Variants in SCRG1 observed in about 807,000 individuals in gnomAD.
The protein encoded by SCRG1 is scrapie-responsive protein 1.
Under a neutral mutation model 7.7 loss-of-function variants are expected in SCRG1, and 3 were observed. The observed-to-expected ratio is 0.39, with a 90% CI of 0.18 to 1.01. The LOEUF (loss-of-function observed/expected upper bound fraction) is 1.01. SCRG1 is among the 50% of genes least tolerant of loss of function. SCRG1 has a pLI of 0.36. For missense variants in SCRG1, 110 were observed against 117.2 expected (o/e 0.94, Z 0.28); for synonymous variants, 46 against 41.2 (o/e 1.12, Z -0.44).
At chr4:173,511,546 G>A in the SCRG1 span, among the ~76,000 whole-genome samples, 1 of 151,988 alleles carries the variant, frequency 6.6e-6, no homozygotes, top group Non-Finnish European at 1.5e-5. The surrounding 1 kb of genome is among the most constrained non-coding windows in gnomAD (Gnocchi z 5.2). Context: ...CTAAGGAGGG[G>A]AGAGGAACCC....
chr4:173,478,407 C>A, the SCRG1 span, among the ~76,000 whole-genome samples: 1 of 152,154 alleles, frequency 6.6e-6, no homozygotes, highest in Non-Finnish European at 1.5e-5. Context: ...AAAAACCAGT[C>A]CTGGTCTTCA....
the SCRG1 span, among the ~76,000 whole-genome samples, chr4:173,506,794 C>T: frequency 4.6e-5 from 7 of 152,292 alleles, no homozygotes; most frequent in South Asian, 1.4e-3. The surrounding 1 kb of genome is among the most constrained non-coding windows in gnomAD (Gnocchi z 5.3). Context: ...GCAGCTCATT[C>T]CGGGACGGCG....
chr4:173,403,456 A>C (rs1366522347), upstream of SCRG1, among the ~76,000 whole-genome samples: 1 of 152,208 alleles, frequency 6.6e-6, no homozygotes, highest in Non-Finnish European at 1.5e-5. Context: ...ATAGAGAGTA[A>C]GGCACCCACC....
the SCRG1 span, among the ~76,000 whole-genome samples, chr4:173,471,951 T>C: frequency 0.33 from 50,037 of 152,094 alleles, 8,644 homozygotes; most frequent in South Asian, 0.47. Context: ...TCAGGTGATC[T>C]GCCCACCTTG....
chr4:173,406,409 A>G (rs1739907599), upstream of SCRG1: 1 of 152,170 alleles, frequency 6.6e-6, no homozygotes, highest in African/African-American at 2.4e-5. Context: ...TTCATACATG[A>G]GTAATAAAGT....
chr4:173,414,848 AG>A, the SCRG1 span, among the ~76,000 whole-genome samples: 1 of 152,160 alleles, frequency 6.6e-6, no homozygotes, highest in Non-Finnish European at 1.5e-5. Context: ...TCTCCTCCCT[AG>A]GGTGTGAATA....
At chr4:173,512,665 G>A in the SCRG1 span, among the ~76,000 whole-genome samples, 11 of 152,188 alleles carry the variant, frequency 7.2e-5, no homozygotes, top group African/African-American at 2.7e-4. Flanking sequence ...GAATCCCAGA[G>A]AGTGTCCCCC....
chr4:173,478,118 C>A, the SCRG1 span, among the ~76,000 whole-genome samples: 1 of 152,070 alleles, frequency 6.6e-6, no homozygotes, highest in Non-Finnish European at 1.5e-5. Flanking sequence ...ATTTTAGTAT[C>A]TGAAAATTAA....
chr4:173,484,463 CATATAAT>C, the SCRG1 span, among the ~76,000 whole-genome samples: 2 of 12,602 alleles, frequency 1.6e-4, no homozygotes, highest in South Asian at 2.0e-3. Flanking sequence ...ATATTATATA[CATATAAT>C]ATATAATATA....
At chr4:173,483,996 T>C in the SCRG1 span, among the ~76,000 whole-genome samples, 1 of 71,196 alleles carries the variant, frequency 1.4e-5, no homozygotes, top group Admixed American at 2.1e-4. Flanking sequence ...TTATATATGA[T>C]ATATATTACA....
At chr4:173,426,363 A>G in the SCRG1 span, among the ~76,000 whole-genome samples, 1 of 151,956 alleles carries the variant, frequency 6.6e-6, no homozygotes, top group East Asian at 1.9e-4. Flanking sequence ...CCCCTCCCCG[A>G]CTTCTTGTAC....
At chr4:173,412,226 G>A in the SCRG1 span, among the ~76,000 whole-genome samples, 1 of 152,110 alleles carries the variant, frequency 6.6e-6, no homozygotes, top group Non-Finnish European at 1.5e-5. Context: ...CCAACCATCA[G>A]GGCAGAATTT....
the SCRG1 span, among the ~76,000 whole-genome samples, chr4:173,421,042 G>A: frequency 6.6e-6 from 1 of 152,174 alleles, no homozygotes; most frequent in African/African-American, 2.4e-5. Flanking sequence ...TTCTGCCTGA[G>A]TGTGGTTTAT....
chr4:173,446,802 A>G, the SCRG1 span: 17 of 152,352 alleles, frequency 1.1e-4, no homozygotes, highest in East Asian at 2.3e-3. Context: ...GATGGATAAG[A>G]ACTTTTGTAA....
the SCRG1 span, among the ~76,000 whole-genome samples, chr4:173,454,076 T>TG: frequency 3.8e-5 from 5 of 131,390 alleles, no homozygotes; most frequent in South Asian, 2.5e-4. Flanking sequence ...AGACTCCGTC[T>TG]AAAAAAAAAA....
At chr4:173,430,142 C>A in the SCRG1 span, among the ~76,000 whole-genome samples, 1 of 152,116 alleles carries the variant, frequency 6.6e-6, no homozygotes, top group African/African-American at 2.4e-5. Flanking sequence ...TACTGTAGAT[C>A]TGTGAAGCGG....
At position 173,389,906 on chromosome 4, in the gene SCRG1, T is replaced by C. The variant is rs1459555436; in HGVS notation, c.242+1267A>G. The C allele has an allele frequency of 1.2e-5, 5 of 406,914 alleles. No individual in the cohort carries two copies. The Admixed American group carries it at 1.2e-4, about 10-fold the overall frequency. The allele number at this position is 406,914 out of a possible 1,614,324, so 25.2% of individuals were successfully genotyped here. On this transcript the variant is annotated intron_variant, in intron 2 of 2. Transcript: ENST00000296506. ...ATATGATGACATCTGTTGAAAGTAATTTGAAAAAGCTAATTTCAATATGAA... is the reference window on the plus strand; with the variant it reads ...ATATGATGACATCTGTTGAAAGTAACTTGAAAAAGCTAATTTCAATATGAA...
At chr4:173,426,383 C>T in the SCRG1 span, among the ~76,000 whole-genome samples, 2 of 152,340 alleles carry the variant, frequency 1.3e-5, no homozygotes, top group Admixed American at 1.3e-4. Flanking sequence ...CTTTCAACTC[C>T]ATCCACCACA....
the SCRG1 span, among the ~76,000 whole-genome samples, chr4:173,499,906 C>T: frequency 6.6e-6 from 1 of 152,228 alleles, no homozygotes; most frequent in African/African-American, 2.4e-5. The surrounding 1 kb of genome is among the most constrained non-coding windows in gnomAD (Gnocchi z 4.1). Context: ...CCATATTGAG[C>T]AACACCGGGT....
Sources: gnomAD v4.1 joint callset for allele counts (sites outside exome capture counted in the v4.1 genomes callset) on GRCh38, gnomAD v4.1.1 for gene constraint, Gnocchi (gnomAD v3.1) non-coding constraint, MANE v1.5 for transcripts, NCBI Gene and HGNC (gene_info 2026-07-23, HGNC 2026-07-21) for gene names.